MCC: variants seen among roughly 807,000 people sequenced by gnomAD.
MCC encodes MCC regulator of Wnt signaling pathway, also known as colorectal mutant cancer protein.
A neutral mutation model predicts 116.2 loss-of-function variants in MCC; 90 were observed. That is an observed-to-expected ratio of 0.77 (90% CI 0.65 to 0.92). The LOEUF (loss-of-function observed/expected upper bound fraction) is 0.92, where lower values mean the gene tolerates loss of function less well. Among genes scored for constraint, MCC ranks in the 40% least tolerant of loss-of-function variants. The pLI is 0.00. For synonymous variants in MCC, 578 were observed against 510.5 expected (o/e 1.13, Z -1.78); for missense variants, 1,516 against 1,312.2 (o/e 1.16, Z -2.40).
chr5:113,457,386 G>A (rs1282874565), intron 1 of MCC, among the ~76,000 whole-genome samples: 1 of 152,380 alleles, frequency 6.6e-6, no homozygotes, highest in South Asian at 2.1e-4. Context: ...TTCCCGCGGA[G>A]CAGGCCTCGG....
intron 1 of MCC, among the ~76,000 whole-genome samples, chr5:113,462,736 C>T (rs1047950390): frequency 1.3e-5 from 2 of 152,154 alleles, no homozygotes; most frequent in African/African-American, 4.8e-5. Context: ...AAAAAGGCAA[C>T]ATTTTGGGTT....
At chr5:113,096,854 T>C (rs1756056659) in intron 8 of MCC, among the ~76,000 whole-genome samples, 1 of 152,114 alleles carries the variant, frequency 6.6e-6, no homozygotes, top group African/African-American at 2.4e-5. Context: ...TACTGACTAA[T>C]ATACCAGCCA....
chr5:113,304,178 C>T (rs74871409), intron 3 of MCC, among the ~76,000 whole-genome samples: 2,662 of 152,280 alleles, frequency 0.017, 37 homozygotes, highest in Non-Finnish European at 0.027. Context: ...CCCATCATGG[C>T]CAGGTCTTCA....
rs202120785 is a variant in MCC, at chr5:113,143,357, C to T, written c.745G>A (p.Glu249Lys). 133 of 1,613,484 alleles carry T rather than the reference C, an allele frequency of 8.2e-5. No homozygotes were observed. In the African/African-American group the frequency reaches 1.3e-3, roughly 16 times the overall value. The stretch of plus-strand genomic sequence containing the variant: ...TGCTCTCTCATGAGGTGGGACTGCT[C>T]GCACTGGGAATAAGGGAAAAGGACA... ...LEKKLAKAQC[E>K]QSHLMREHED... The change falls in exon 5 of 19, where the codon GAG becomes AAG. Residue 249 changes from glutamate (E) to lysine (K), a missense_variant. Glu to Lys is a moderately conservative substitution (Grantham distance 56). Coordinates refer to ENST00000408903, the MANE Select transcript of MCC (RefSeq NM_001085377.2).
intron 1 of MCC, among the ~76,000 whole-genome samples, chr5:113,416,835 TA>T (rs1478733881): frequency 3.3e-5 from 5 of 152,192 alleles, no homozygotes; most frequent in Non-Finnish European, 7.4e-5. Context: ...TTTTGACAAT[TA>T]AAATAAATCG....
chr5:113,377,219 G>A (rs369298256), intron 2 of MCC, among the ~76,000 whole-genome samples: 1 of 152,056 alleles, frequency 6.6e-6, no homozygotes, highest in Non-Finnish European at 1.5e-5. Flanking sequence ...ATTAGAGTTG[G>A]GTGTTTGCTG....
intron 3 of MCC, among the ~76,000 whole-genome samples, chr5:113,210,386 C>T (rs1763084727): frequency 7.1e-6 from 1 of 140,826 alleles, no homozygotes; most frequent in Non-Finnish European, 1.5e-5. Flanking sequence ...AAGCCCATAT[C>T]TTAAACCTTC....
intron 3 of MCC, among the ~76,000 whole-genome samples, chr5:113,280,208 A>C (rs1259048201): frequency 6.6e-6 from 1 of 152,194 alleles, no homozygotes; most frequent in Admixed American, 6.5e-5. Flanking sequence ...TTGCCTTCAG[A>C]AGTAGATAGA....
intron 2 of MCC, among the ~76,000 whole-genome samples, chr5:113,363,038 G>A (rs1768586539): frequency 6.6e-6 from 1 of 152,056 alleles, no homozygotes; most frequent in South Asian, 2.1e-4. Flanking sequence ...CCAGCACTTT[G>A]GGAGACAGAG....
intron 3 of MCC, among the ~76,000 whole-genome samples, chr5:113,199,998 G>A (rs1425068300): frequency 2.9e-5 from 3 of 103,160 alleles, no homozygotes; most frequent in African/African-American, 1.2e-4. Context: ...GGAACCGTGT[G>A]TGAGACACTA....
In MCC at chr5:113,076,907, A is replaced by G. The variant is rs540506884; in HGVS notation, c.1785-5673T>C. 9.2e-5 allele frequency among the ~76,000 whole-genome samples: 14 copies of G among 152,330 alleles called. No individual in the cohort carries two copies. The South Asian group carries it at 2.9e-3, about 32-fold the overall frequency. On this transcript the variant is annotated intron_variant, in intron 11 of 18. Transcript: ENST00000408903. ...ACCCATGAGTGTGCTGTATTCAAGA[A>G]ACCCATCTCACGAGCAGAGACACAC...
chr5:113,188,097 G>A (rs1488623352), intron 3 of MCC, among the ~76,000 whole-genome samples: 1 of 152,198 alleles, frequency 6.6e-6, no homozygotes, highest in South Asian at 2.1e-4. Flanking sequence ...AAGAGGCCAT[G>A]TATTATTTAC....
chr5:113,216,497 C>T (rs964041530), intron 3 of MCC, among the ~76,000 whole-genome samples: 4 of 152,206 alleles, frequency 2.6e-5, no homozygotes, highest in Admixed American at 2.0e-4. Context: ...CCCCAACAGA[C>T]GTGGCTCCTT....
intron 3 of MCC, among the ~76,000 whole-genome samples, chr5:113,233,150 G>A (rs1764000105): frequency 6.6e-6 from 1 of 152,076 alleles, no homozygotes; most frequent in Non-Finnish European, 1.5e-5. Flanking sequence ...CTTTATCTGA[G>A]GCTATCAGAG....
intron 3 of MCC, among the ~76,000 whole-genome samples, chr5:113,287,104 A>T (rs1180533757): frequency 1.3e-5 from 2 of 152,146 alleles, no homozygotes; most frequent in Non-Finnish European, 2.9e-5. Flanking sequence ...GGTTCAAAAA[A>T]ATAATTACAT....
At chr5:113,126,514 T>C (rs1758060969) in intron 5 of MCC, among the ~76,000 whole-genome samples, 1 of 152,196 alleles carries the variant, frequency 6.6e-6, no homozygotes, top group Non-Finnish European at 1.5e-5. Context: ...TCCATAAATA[T>C]ATTTGACAAT....
intron 1 of MCC, among the ~76,000 whole-genome samples, chr5:113,402,346 AT>A (rs1011237242): frequency 3.3e-5 from 5 of 150,014 alleles, no homozygotes; most frequent in African/African-American, 1.2e-4. Flanking sequence ...CTGTGTAAAG[AT>A]GGGGTCTTGC....
At chr5:113,114,398 G>A (rs1008584918) in intron 6 of MCC, among the ~76,000 whole-genome samples, 3 of 152,182 alleles carry the variant, frequency 2.0e-5, no homozygotes, top group African/African-American at 7.2e-5. Context: ...ACATCCAAAT[G>A]ATCACCAAGT....
At chr5:113,159,069 G>C (rs1760337959) in intron 3 of MCC, among the ~76,000 whole-genome samples, 1 of 152,148 alleles carries the variant, frequency 6.6e-6, no homozygotes, top group African/African-American at 2.4e-5. Context: ...AAGGGTGGCA[G>C]GGCAAGTCCT....
Sources: gnomAD v4.1 joint callset for allele counts (sites outside exome capture counted in the v4.1 genomes callset) on GRCh38, gnomAD v4.1.1 for gene constraint, MANE v1.5 for transcripts, NCBI Gene and HGNC (gene_info 2026-07-23, HGNC 2026-07-21) for gene names.